The following SCN9A variants were observed in gnomAD, a reference collection of about 807,000 sequenced individuals.
The protein encoded by SCN9A is sodium channel protein type 9 subunit alpha.
SCN9A carries 131 observed loss-of-function variants against 187.0 expected under a neutral mutation model. The ratio of observed to expected loss-of-function variants is 0.70; its 90% CI spans 0.61 to 0.81. The LOEUF (loss-of-function observed/expected upper bound fraction) is 0.81. SCN9A is among the 30% of genes least tolerant of loss of function. The probability of loss-of-function intolerance (pLI) is 0.00; values close to 1 mark genes in which losing one functional copy is unlikely to be tolerated. For missense variants in SCN9A, 2,252 were observed against 2,396.6 expected (o/e 0.94, Z 1.26); for synonymous variants, 809 against 808.6 (o/e 1.00, Z -0.01).
chr2:166,361,230 T>G (rs1169227958), intron 1 of SCN9A, among the ~76,000 whole-genome samples: 22 of 152,174 alleles, frequency 1.4e-4, no homozygotes, highest in Non-Finnish European at 2.9e-5. Context: ...ATTAGTGATT[T>G]TAGCAACTTT....
intron 26 of SCN9A, among the ~76,000 whole-genome samples, chr2:166,200,370 T>C (rs965069227): frequency 3.3e-5 from 5 of 152,138 alleles, no homozygotes; most frequent in African/African-American, 1.2e-4. Flanking sequence ...TGACTAACAT[T>C]ACCATTGTGA....
chr2:166,253,176 C>T (rs777643927), intron 17 of SCN9A, among the ~76,000 whole-genome samples: 4 of 151,728 alleles, frequency 2.6e-5, no homozygotes, highest in Non-Finnish European at 5.9e-5. Context: ...TTATTATCAC[C>T]TAGTATACAA....
chr2:166,290,951 A>T (rs1035796929), intron 9 of SCN9A, among the ~76,000 whole-genome samples: 5 of 152,204 alleles, frequency 3.3e-5, no homozygotes, highest in African/African-American at 4.8e-5. Context: ...AGAGCTATTT[A>T]TGAAAACTCC....
intron 1 of SCN9A, among the ~76,000 whole-genome samples, chr2:166,329,295 G>C (rs955623580): frequency 6.6e-6 from 1 of 152,008 alleles, no homozygotes; most frequent in African/African-American, 2.4e-5. Context: ...CAAAATGAAG[G>C]TAGTCTTGAT....
intron 17 of SCN9A, among the ~76,000 whole-genome samples, chr2:166,256,792 G>T (rs1696296493): frequency 6.6e-6 from 1 of 151,442 alleles, no homozygotes. Flanking sequence ...GAAATAATGA[G>T]GTCAAATCTC....
At chr2:166,354,714 G>C (rs1700112836) in intron 1 of SCN9A, among the ~76,000 whole-genome samples, 1 of 152,114 alleles carries the variant, frequency 6.6e-6, no homozygotes, top group East Asian at 1.9e-4. Context: ...CATTAAAATA[G>C]TTTATGCAGT....
chr2:166,230,993 C>T (rs1335920236), intron 21 of SCN9A, among the ~76,000 whole-genome samples: 1 of 152,120 alleles, frequency 6.6e-6, no homozygotes, highest in Admixed American at 6.5e-5. Context: ...TCAAAATAGC[C>T]CTGCGGCATG....
rs182655507 is a variant in SCN9A, at chr2:166,312,521, C to T, written c.-50-715G>A. 3.9e-5 allele frequency among the ~76,000 whole-genome samples: 6 copies of T among 152,252 alleles called. No homozygotes were observed. The East Asian group carries it at 1.2e-3, about 29-fold the overall frequency. ...ATTAATGTTTGTATATTGCCCTCCT[C>T]CCACAAATCATTAATGTTCTAATAA... On this transcript the variant is annotated intron_variant, in intron 1 of 26. Coordinates refer to ENST00000642356, the MANE Select transcript of SCN9A (RefSeq NM_001365536.1).
At chr2:166,370,217 A>C (rs369464511) in intron 1 of SCN9A, among the ~76,000 whole-genome samples, 5,668 of 77,726 alleles carry the variant, frequency 0.073, 134 homozygotes, top group African/African-American at 0.087. Flanking sequence ...TAATAATAAT[A>C]ATAATAATAA....
chr2:166,222,376 T>A (rs1381748192), intron 24 of SCN9A, among the ~76,000 whole-genome samples: 1 of 152,190 alleles, frequency 6.6e-6, no homozygotes, highest in Admixed American at 6.5e-5. Flanking sequence ...ATGCCTGTTA[T>A]CCCAGCACTT....
rs184956974 is a variant in SCN9A at position 166,343,863 on chromosome 2, T to C, written c.-51+31834A>G. On this transcript the variant is annotated intron_variant, in intron 1 of 26. Transcript: ENST00000642356. ...GCAATTATCCCCATCTTCATTATAT[T>C]ATTGTGTGCATTACAATAGATAATG... Among the ~76,000 whole-genome samples, 519 of 152,322 alleles carry C rather than the reference T, an allele frequency of 3.4e-3. 3 individuals carry two copies. The highest frequency in any genetic ancestry group is 0.012 in the African/African-American group (492 of 41,562).
At chr2:166,272,070 T>C (rs1697016418) in intron 17 of SCN9A, among the ~76,000 whole-genome samples, 1 of 152,036 alleles carries the variant, frequency 6.6e-6, no homozygotes, top group East Asian at 1.9e-4. Context: ...GGAAAGGTGA[T>C]GAAAAGGAGA....
At chr2:166,303,742 C>G (rs939319792) in intron 6 of SCN9A, among the ~76,000 whole-genome samples, 3 of 152,038 alleles carry the variant, frequency 2.0e-5, no homozygotes, top group Admixed American at 1.3e-4. Flanking sequence ...GATCTCTTTC[C>G]TAAGTATTTT....
chr2:166,318,377 C>T (rs1239688267), intron 1 of SCN9A, among the ~76,000 whole-genome samples: 1 of 151,990 alleles, frequency 6.6e-6, no homozygotes, highest in Admixed American at 6.6e-5. Flanking sequence ...CCAACACCAA[C>T]CTGGCCTTTC....
At position 166,372,238 on chromosome 2, in the gene SCN9A, C is replaced by G. The variant is rs79030107; in HGVS notation, c.-51+3459G>C. On this transcript the variant is annotated intron_variant, in intron 1 of 26. Transcript: ENST00000642356. ...GATAAGCCCACATTGCCTCTCTGAA[C>G]CTTCCTTAGAGAATGCTTCAAATAT... is the stretch of plus-strand genomic sequence containing the variant. 2.9e-3 allele frequency among the ~76,000 whole-genome samples: 447 copies of G among 152,238 alleles called. 2 individuals are homozygous for G. The highest frequency in any genetic ancestry group is 9.9e-3 in the African/African-American group (412 of 41,550).
chr2:166,227,806 TACC>T, intron 22 of SCN9A, 83 bp from the exon 23 acceptor site: 1 of 736,004 alleles, frequency 1.4e-6, no homozygotes, highest in Non-Finnish European at 2.4e-6. Flanking sequence ...TGTTTAATGT[TACC>T]ACAATTATTA....
At chr2:166,288,765 G>A (rs1697904429) in intron 9 of SCN9A, 122 bp from the exon 10 acceptor site, 3 of 663,720 alleles carry the variant, frequency 4.5e-6, no homozygotes, top group Non-Finnish European at 7.2e-6. Flanking sequence ...AAAATATAAA[G>A]AGAAAAGTTA....
At chr2:166,335,696 G>A (rs561525428) in intron 1 of SCN9A, among the ~76,000 whole-genome samples, 16 of 152,106 alleles carry the variant, frequency 1.1e-4, no homozygotes, top group Non-Finnish European at 2.4e-4. Flanking sequence ...TTACTGGAGT[G>A]AGGCAGTTAT....
At chr2:166,375,487 A>G (rs1477636799) in intron 1 of SCN9A, among the ~76,000 whole-genome samples, 1 of 152,170 alleles carries the variant, frequency 6.6e-6, no homozygotes, top group East Asian at 1.9e-4. Context: ...CTATCGAAAT[A>G]ACTACGCTTC....
Sources: gnomAD v4.1 joint callset for allele counts (sites outside exome capture counted in the v4.1 genomes callset) on GRCh38, gnomAD v4.1.1 for gene constraint, MANE v1.5 for transcripts, NCBI Gene and HGNC (gene_info 2026-07-23, HGNC 2026-07-21) for gene names.